ACER3: variants seen among roughly 807,000 people sequenced by gnomAD.
The protein encoded by ACER3 is alkCDase 3.
Under a neutral mutation model 48.9 loss-of-function variants are expected in ACER3, and 16 were observed. That is an observed-to-expected ratio of 0.33 (90% confidence interval 0.22 to 0.50). ACER3 has a LOEUF of 0.50. ACER3 is among the 20% of genes least tolerant of loss of function. ACER3 has a pLI of 0.98. For synonymous variants in ACER3, 109 were observed against 107.8 expected (o/e 1.01, Z -0.07); for missense variants, 227 against 326.0 (o/e 0.70, Z 2.34).
chr11:76,939,005 G>A (rs1013794684), intron 2 of ACER3, among the ~76,000 whole-genome samples: 6 of 145,962 alleles, frequency 4.1e-5, no homozygotes, highest in African/African-American at 1.5e-4. Flanking sequence ...AAGTAACACA[G>A]AAGGCAGTTT....
chr11:77,010,921 C>G (rs4016126), intron 7 of ACER3, among the ~76,000 whole-genome samples: 63,849 of 152,118 alleles, frequency 0.42, 15,307 homozygotes, highest in Non-Finnish European at 0.56. Context: ...TTCATACATT[C>G]CAAGATCTCA....
At chr11:76,963,418 C>T (rs1305039947) in intron 3 of ACER3, among the ~76,000 whole-genome samples, 1 of 151,424 alleles carries the variant, frequency 6.6e-6, no homozygotes, top group Admixed American at 6.5e-5. Context: ...CCTCCAACCT[C>T]ATTCTTTGGG....
chr11:76,927,059 C>G (rs1323854134), intron 2 of ACER3, among the ~76,000 whole-genome samples: 1 of 152,146 alleles, frequency 6.6e-6, no homozygotes, highest in Non-Finnish European at 1.5e-5. Flanking sequence ...CCCAGCCCAT[C>G]CCCTAAGAGC....
intron 1 of ACER3, among the ~76,000 whole-genome samples, chr11:76,876,768 A>G (rs553477103): frequency 2.5e-4 from 38 of 152,254 alleles, no homozygotes; most frequent in African/African-American, 9.1e-4. Context: ...TATCCAGTTT[A>G]TTTTTAACTC....
intron 2 of ACER3, among the ~76,000 whole-genome samples, chr11:76,932,179 A>G (rs1425680219): frequency 3.9e-5 from 6 of 152,066 alleles, no homozygotes; most frequent in Admixed American, 3.9e-4. Context: ...CAAACTCCTG[A>G]GATCAAGCAA....
chr11:77,019,816 A>G (rs938514891), intron 10 of ACER3, 40 bp downstream of exon 10: 8 of 1,597,324 alleles, frequency 5.0e-6, no homozygotes, highest in East Asian at 2.2e-5. Context: ...TGTTGGGGGT[A>G]TGGTACTGGG....
intron 1 of ACER3, among the ~76,000 whole-genome samples, chr11:76,872,084 CT>C (rs1336427612): frequency 5.7e-5 from 7 of 123,340 alleles, no homozygotes; most frequent in East Asian, 2.8e-4. Context: ...ATAGGCTGAA[CT>C]TTTTTTTTTG....
chr11:77,010,696 G>C (rs1338875407), intron 7 of ACER3, among the ~76,000 whole-genome samples: 1 of 152,164 alleles, frequency 6.6e-6, no homozygotes, highest in Non-Finnish European at 1.5e-5. Context: ...ACCTATGCCA[G>C]TTTCAGAGTT....
chr11:76,940,603 G>A (rs995905555), intron 2 of ACER3, among the ~76,000 whole-genome samples: 8 of 152,110 alleles, frequency 5.3e-5, no homozygotes, highest in African/African-American at 1.7e-4. Context: ...AGTGGGTAGC[G>A]ATTATAGGAG....
chr11:76,865,138 A>ATTTT (rs35627838), intron 1 of ACER3, among the ~76,000 whole-genome samples: 2 of 128,328 alleles, frequency 1.6e-5, no homozygotes, highest in Non-Finnish European at 3.2e-5. Context: ...TGCCCAGCTA[A>ATTTT]TTTTTTTTTT....
chr11:76,897,895 A>G (rs1199895851), intron 1 of ACER3, among the ~76,000 whole-genome samples: 1 of 152,224 alleles, frequency 6.6e-6, no homozygotes, highest in East Asian at 1.9e-4. Flanking sequence ...TTGAGACAAC[A>G]TTATACTTTG....
At chr11:76,990,606 T>G in intron 6 of ACER3, 32 bp downstream of exon 6, 1 of 1,331,308 alleles carries the variant, frequency 7.5e-7, no homozygotes, top group Non-Finnish European at 1.1e-6. Context: ...CACATTAGAT[T>G]GTTTACGATA....
intron 2 of ACER3, among the ~76,000 whole-genome samples, chr11:76,952,135 T>TAC (rs754396590): frequency 3.0e-3 from 428 of 143,694 alleles, no homozygotes; most frequent in Non-Finnish European, 4.1e-3. Flanking sequence ...ATTATATATA[T>TAC]ATATACACAC....
At chr11:76,973,304 TGA>T (rs1299603010) in intron 3 of ACER3, among the ~76,000 whole-genome samples, 1 of 152,154 alleles carries the variant, frequency 6.6e-6, no homozygotes, top group East Asian at 1.9e-4. Context: ...CTTGAGACAC[TGA>T]GATACCCCCC....
At chr11:76,982,310 G>C (rs535505565) in intron 4 of ACER3, among the ~76,000 whole-genome samples, 1 of 149,200 alleles carries the variant, frequency 6.7e-6, no homozygotes, top group African/African-American at 2.5e-5. Flanking sequence ...TCTGCCTCCC[G>C]GGTTCAAGTG....
At chr11:76,870,247 G>T (rs541179617) in intron 1 of ACER3, among the ~76,000 whole-genome samples, 1 of 141,574 alleles carries the variant, frequency 7.1e-6, no homozygotes, top group Non-Finnish European at 1.5e-5. Context: ...TCCTCCCACC[G>T]TCTCAACCTT....
intron 1 of ACER3, among the ~76,000 whole-genome samples, chr11:76,861,467 A>T (rs978279337): frequency 6.6e-6 from 1 of 152,026 alleles, no homozygotes; most frequent in African/African-American, 2.4e-5. Context: ...AGGGCCCAGG[A>T]CACCTGCTCT....
intron 7 of ACER3, among the ~76,000 whole-genome samples, chr11:77,000,295 G>A (rs1949003722): frequency 6.6e-6 from 1 of 152,136 alleles, no homozygotes; most frequent in Admixed American, 6.5e-5. Context: ...AATAAGGACA[G>A]TTGCTATTGT....
chr11:76,878,187 A>G (rs1945432926), intron 1 of ACER3, among the ~76,000 whole-genome samples: 1 of 152,040 alleles, frequency 6.6e-6, no homozygotes, highest in South Asian at 2.1e-4. Context: ...GTGTATACTT[A>G]GGAGTGTAAT....
Sources: allele counts gnomAD v4.1 joint callset (sites outside exome capture counted in the v4.1 genomes callset), GRCh38; gene constraint gnomAD v4.1.1; transcripts MANE v1.5; gene names NCBI Gene and HGNC (gene_info 2026-07-23, HGNC 2026-07-21).